CD47: variants seen among roughly 807,000 people sequenced by gnomAD.
CD47 encodes the protein CD47 molecule, also known as leukocyte surface antigen CD47.
A neutral mutation model predicts 44.6 loss-of-function variants in CD47; 11 were observed. That is an observed-to-expected ratio of 0.25 (90% CI 0.16 to 0.41). The LOEUF (loss-of-function observed/expected upper bound fraction) is 0.41, where lower values mean the gene tolerates loss of function less well. Among genes scored for constraint, CD47 ranks in the 10% least tolerant of loss-of-function variants. CD47 has a pLI of 1.00. For missense variants in CD47, 306 were observed against 386.7 expected (o/e 0.79, Z 1.75); for synonymous variants, 140 against 136.3 (o/e 1.03, Z -0.19).
intron 6 of CD47, among the ~76,000 whole-genome samples, chr3:108,058,025 T>C (rs1386910365): frequency 1.3e-5 from 2 of 152,180 alleles, no homozygotes; most frequent in Non-Finnish European, 1.5e-5. Context: ...AAAACTCTTA[T>C]TTATTGGTGG....
chr3:108,079,586 A>AAAAC (rs1268581574), intron 2 of CD47, among the ~76,000 whole-genome samples: 1 of 148,844 alleles, frequency 6.7e-6, no homozygotes, highest in East Asian at 1.9e-4. Context: ...AAAAAAAAAA[A>AAAAC]AAAAAAAAAC....
rs1331014950 is a variant in CD47 at position 108,050,646 on chromosome 3, G to A, written c.910-44C>T. On this transcript the variant is annotated intron_variant, in intron 8 of 10. Transcript: ENST00000361309. ...ATATTTACATAAAAATATAATTTATGTCATGTCATTTTATAGTAAAACTTA... is the reference window on the plus strand; with the variant it reads ...ATATTTACATAAAAATATAATTTATATCATGTCATTTTATAGTAAAACTTA... 5 of 698,222 alleles carry A rather than the reference G, an allele frequency of 7.2e-6. 1 individual carries two copies. The highest frequency in any genetic ancestry group is 6.5e-5 in the South Asian group (3 of 45,928). 43.3% of individuals were successfully genotyped at this position (698,222 alleles called of 1,614,324 possible). A position where few individuals can be genotyped will look rare whatever the true frequency, so the allele number is the denominator to read the frequency against.
At chr3:108,069,114 A>G (rs898265665) in intron 3 of CD47, among the ~76,000 whole-genome samples, 2 of 152,224 alleles carry the variant, frequency 1.3e-5, no homozygotes, top group Non-Finnish European at 2.9e-5. Flanking sequence ...AGGTATTCTC[A>G]TCTGCAATAG....
At chr3:108,049,958 G>C (rs915776666) in intron 9 of CD47, among the ~76,000 whole-genome samples, 3 of 152,010 alleles carry the variant, frequency 2.0e-5, no homozygotes, top group African/African-American at 7.3e-5. Context: ...GAAGTAATTG[G>C]GATCCTTCTC....
chr3:108,069,047 T>C (rs1407071488), intron 3 of CD47, among the ~76,000 whole-genome samples: 3 of 152,166 alleles, frequency 2.0e-5, no homozygotes, highest in Admixed American at 2.0e-4. Context: ...TTTTCACCCA[T>C]CAAATTTGCA....
At chr3:108,058,148 A>C (rs1242980398) in intron 6 of CD47, among the ~76,000 whole-genome samples, 189 bp downstream of exon 6, 1 of 152,178 alleles carries the variant, frequency 6.6e-6, no homozygotes, top group Non-Finnish European at 1.5e-5. Flanking sequence ...AATGGAATTG[A>C]AAACTTATGT....
Position 108,043,495 on chromosome 3 carries a change from A to G in CD47, c.*3793T>C, listed in dbSNP as rs1360190274. ...GCTGTAAAACAACTTTGGTCTTCAA[A>G]TCACTGCAAAAAAATGGCTACTGAC... is the stretch of plus-strand genomic sequence containing the variant. On this transcript the variant is annotated 3_prime_UTR_variant, in exon 11 of 11. Transcript: ENST00000361309. 6.6e-6 allele frequency: 1 copy of G among 152,502 alleles called. No individual in the cohort carries two copies. Among genetic ancestry groups the G allele is most frequent in the Non-Finnish European group, 1.5e-5 (1 of 68,010 alleles). 9.4% of individuals were successfully genotyped at this position (152,502 alleles called of 1,614,324 possible).
At position 108,066,287 on chromosome 3, in the gene CD47, T is replaced by C. The variant is rs563803844; in HGVS notation, c.490+4806A>G. 3.9e-5 allele frequency among the ~76,000 whole-genome samples: 6 copies of C among 152,352 alleles called. No individual in the cohort carries two copies. In the East Asian group the frequency reaches 1.2e-3, roughly 29 times the overall value. Reference sequence around the variant, plus strand: ...ATTAAAGATGCCTAGAATACAGTTTTAAATTTGGAATCAAGTACAGCAGTC... The same window carrying C: ...ATTAAAGATGCCTAGAATACAGTTTCAAATTTGGAATCAAGTACAGCAGTC... On this transcript the variant is annotated intron_variant, in intron 3 of 10. Transcript: ENST00000361309.
At chr3:108,080,365 T>C (rs775517685) in intron 1 of CD47, 21 bp from the exon 2 acceptor site, 1 of 1,301,846 alleles carries the variant, frequency 7.7e-7, no homozygotes, top group Admixed American at 2.0e-5. Flanking sequence ...AAAAGAAAAA[T>C]GTTTCATTAA....
At chr3:108,069,911 T>C (rs1047867402) in intron 3 of CD47, among the ~76,000 whole-genome samples, 1 of 152,142 alleles carries the variant, frequency 6.6e-6, no homozygotes, top group Non-Finnish European at 1.5e-5. Flanking sequence ...TAAGAGATTA[T>C]AAGAAAATTT....
At chr3:108,084,268 T>C (rs148014540) in intron 1 of CD47, among the ~76,000 whole-genome samples, 1 of 152,094 alleles carries the variant, frequency 6.6e-6, no homozygotes, top group African/African-American at 2.4e-5. Flanking sequence ...AAAAATCAAA[T>C]ATGCATGGTT....
Position 108,047,248 on chromosome 3 carries a change from C to T in CD47, c.*40G>A. 6.3e-7 allele frequency: 1 copy of T among 1,578,976 alleles called. No homozygotes were observed. On this transcript the variant is annotated 3_prime_UTR_variant, in exon 11 of 11. Transcript: ENST00000361309. ...AAACACAAGTGTATTCCTTTCACGT[C>T]TTACTACTCTCCAAATCGGAGTCCA...
At chr3:108,065,288 T>C (rs1013406149) in intron 3 of CD47, among the ~76,000 whole-genome samples, 1 of 152,196 alleles carries the variant, frequency 6.6e-6, no homozygotes, top group African/African-American at 2.4e-5. Context: ...ATTATCAACT[T>C]TCCCTGCCTT....
chr3:108,062,996 T>A (rs1200195738), intron 3 of CD47, among the ~76,000 whole-genome samples: 2 of 152,052 alleles, frequency 1.3e-5, no homozygotes, highest in Admixed American at 1.3e-4. Flanking sequence ...GAATCTCATA[T>A]AAAATTTATC....
intron 1 of CD47, among the ~76,000 whole-genome samples, chr3:108,088,325 A>C (rs952547018): frequency 3.3e-5 from 5 of 152,218 alleles, no homozygotes; most frequent in Non-Finnish European, 5.9e-5. Context: ...TGGCCTTTCA[A>C]ATCTCCATGA....
chr3:108,053,747 C>T (rs2078867995), intron 7 of CD47: 1 of 152,194 alleles, frequency 6.6e-6, no homozygotes, highest in African/African-American at 2.4e-5. Context: ...CCATGGGCGG[C>T]TTTAAATAGG....
In CD47 at chr3:108,057,548, G is replaced by T; in HGVS notation, c.806C>A (p.Pro269His). Residue 269 changes from proline to histidine, a missense_variant, in exon 7 of 11, where the codon CCT (proline) becomes CAT (histidine). Coordinates refer to ENST00000361309, the MANE Select transcript of CD47 (RefSeq NM_001777.4). ...CIAACIPMHG[P>H]LLISGLSILA... ...GATACTCAAACCTGAAATCAGAAGA[G>T]GGCCATGCATTGGTATACACGCTGT... 1 of 1,557,784 alleles carries T rather than the reference G, an allele frequency of 6.4e-7. No homozygotes were observed. The highest frequency in any genetic ancestry group is 8.9e-7 in the Non-Finnish European group (1 of 1,129,196).
Position 108,080,194 on chromosome 3 carries a change from T to A in CD47, c.197A>T (p.Tyr66Phe). The stretch of plus-strand genomic sequence containing the variant: ...CTTGTTTAGAGCTCCATCAAAGGTG[T>A]AAATATCTCTTCCTTTAAATTTCCA... Reference protein sequence around the residue: ...VKWKFKGRDIYTFDGALNKST... With the variant: ...VKWKFKGRDIFTFDGALNKST... The change falls in exon 2 of 11, where the codon TAC becomes TTC. Residue 66 changes from tyrosine (Y) to phenylalanine (F), a missense_variant. This residue lies in a region of CD47 where 25 missense variants were observed against 52.7 expected (regional missense o/e 0.47). Transcript: ENST00000361309. 1.2e-6 allele frequency: 2 copies of A among 1,613,038 alleles called. No homozygotes were observed. The highest frequency in any genetic ancestry group is 1.7e-6 in the Non-Finnish European group (2 of 1,179,184).
Position 108,043,232 on chromosome 3 carries a change from A to G in CD47, c.*4056T>C, listed in dbSNP as rs943496878. On this transcript the variant is annotated 3_prime_UTR_variant, in exon 11 of 11. Transcript: ENST00000361309. The stretch of plus-strand genomic sequence containing the variant: ...ATATAAGCAACTTAAAAATACATTA[A>G]TAAATTAAATTTTTCAGAAATGTGC... 101 of 152,746 alleles carry G rather than the reference A, an allele frequency of 6.6e-4. No homozygotes were observed. The highest frequency in any genetic ancestry group is 2.4e-3 in the African/African-American group (100 of 41,576). 9.5% of individuals were successfully genotyped at this position (152,746 alleles called of 1,614,324 possible).
Sources: allele counts gnomAD v4.1 joint callset (sites outside exome capture counted in the v4.1 genomes callset), GRCh38; gene constraint gnomAD v4.1.1; regional missense constraint gnomAD v4.1.1; transcripts MANE v1.5; gene names NCBI Gene and HGNC (gene_info 2026-07-23, HGNC 2026-07-21).